Variants in SLC9A9 observed in about 807,000 individuals in gnomAD.
The protein encoded by SLC9A9 is solute carrier family 9 member A9, also known as sodium/hydrogen exchanger 9.
Under a neutral mutation model 77.8 loss-of-function variants are expected in SLC9A9, and 62 were observed. The ratio of observed to expected loss-of-function variants is 0.80; its 90% confidence interval spans 0.65 to 0.98. The LOEUF (loss-of-function observed/expected upper bound fraction) is 0.98, where lower values mean the gene tolerates loss of function less well. SLC9A9 is among the 50% of genes least tolerant of loss of function. The probability of loss-of-function intolerance (pLI) is 0.00; values close to 1 mark genes in which losing one functional copy is unlikely to be tolerated. For synonymous variants in SLC9A9, 320 were observed against 283.5 expected, an observed-to-expected ratio of 1.13 and a Z score of -1.29; for missense variants, 775 against 774.9, an observed-to-expected ratio of 1.00 and a Z score of 0.00.
intron 14 of SLC9A9, among the ~76,000 whole-genome samples, chr3:143,330,447 G>A (rs1465222105): frequency 6.6e-6 from 1 of 152,172 alleles, no homozygotes; most frequent in East Asian, 1.9e-4. Flanking sequence ...ATGGTGCTTT[G>A]AAATGTGTTT....
At chr3:143,308,546 A>T (rs2030897706) in intron 14 of SLC9A9, among the ~76,000 whole-genome samples, 1 of 151,742 alleles carries the variant, frequency 6.6e-6, no homozygotes, top group African/African-American at 2.4e-5. Flanking sequence ...ACTGCACTCC[A>T]GCCTGGGCGA....
intron 8 of SLC9A9, among the ~76,000 whole-genome samples, chr3:143,572,089 G>C (rs910150406): frequency 6.6e-6 from 1 of 152,168 alleles, no homozygotes; most frequent in African/African-American, 2.4e-5. Flanking sequence ...CCCATCCCAT[G>C]ATGCTGGCTC....
At chr3:143,390,680 T>A (rs1173502656) in intron 12 of SLC9A9, among the ~76,000 whole-genome samples, 1 of 152,034 alleles carries the variant, frequency 6.6e-6, no homozygotes, top group African/African-American at 2.4e-5. Context: ...GTGCAAGGGG[T>A]CAGAGAATTC....
At chr3:143,655,371 T>C (rs1398699750) in intron 5 of SLC9A9, 2 of 688,696 alleles carry the variant, frequency 2.9e-6, no homozygotes, top group Non-Finnish European at 3.6e-6. Context: ...TAAATGAGAG[T>C]TCTTGGGACC....
intron 14 of SLC9A9, among the ~76,000 whole-genome samples, chr3:143,313,598 T>C (rs1377662408): frequency 6.6e-6 from 1 of 152,240 alleles, no homozygotes; most frequent in Non-Finnish European, 1.5e-5. Context: ...ATTTGCTCCC[T>C]GAATCCTCCC....
At chr3:143,436,434 T>C (rs2034624601) in intron 12 of SLC9A9, among the ~76,000 whole-genome samples, 1 of 152,330 alleles carries the variant, frequency 6.6e-6, no homozygotes, top group African/African-American at 2.4e-5. Context: ...GAAAGTGCTA[T>C]AATTGCAAAA....
At chr3:143,364,436 C>T (rs1231675039) in intron 13 of SLC9A9, among the ~76,000 whole-genome samples, 1 of 152,070 alleles carries the variant, frequency 6.6e-6, no homozygotes, top group Non-Finnish European at 1.5e-5. Flanking sequence ...TTTTCATGCC[C>T]AAGTTGTGTC....
At chr3:143,396,696 ATTG>A (rs1288595220) in intron 12 of SLC9A9, among the ~76,000 whole-genome samples, 2 of 152,130 alleles carry the variant, frequency 1.3e-5, no homozygotes, top group African/African-American at 4.8e-5. Flanking sequence ...ATTAATAGAT[ATTG>A]TTGTCTTTGC....
At chr3:143,845,498 T>G (rs2009813215) in intron 1 of SLC9A9, among the ~76,000 whole-genome samples, 1 of 152,204 alleles carries the variant, frequency 6.6e-6, no homozygotes, top group African/African-American at 2.4e-5. Context: ...GCCACCCATA[T>G]GGAGTACTTT....
intron 12 of SLC9A9, among the ~76,000 whole-genome samples, chr3:143,442,586 T>C (rs1236666771): frequency 1.3e-5 from 2 of 152,052 alleles, no homozygotes; most frequent in Non-Finnish European, 2.9e-5. Context: ...CCCAGTGTGG[T>C]AGTGGGTGCC....
intron 6 of SLC9A9, among the ~76,000 whole-genome samples, chr3:143,650,649 A>T (rs2038780515): frequency 6.6e-6 from 1 of 152,218 alleles, no homozygotes; most frequent in Admixed American, 6.5e-5. Flanking sequence ...GGATCACTGT[A>T]CGATACCAGA....
At chr3:143,363,155 C>T (rs1433180260) in intron 14 of SLC9A9, among the ~76,000 whole-genome samples, 2 of 152,134 alleles carry the variant, frequency 1.3e-5, no homozygotes, top group Non-Finnish European at 2.9e-5. Flanking sequence ...TCAAGCAGGC[C>T]TATTTGACCA....
intron 12 of SLC9A9, among the ~76,000 whole-genome samples, chr3:143,411,383 C>T (rs2034093802): frequency 6.6e-6 from 1 of 152,188 alleles, no homozygotes; most frequent in Admixed American, 6.5e-5. Flanking sequence ...CACTTTCCTT[C>T]CACCTGCTAC....
At chr3:143,791,013 A>G (rs2008201242) in intron 4 of SLC9A9, among the ~76,000 whole-genome samples, 1 of 152,222 alleles carries the variant, frequency 6.6e-6, no homozygotes, top group Non-Finnish European at 1.5e-5. Flanking sequence ...TCATTGTGAT[A>G]TATTGGCATG....
intron 4 of SLC9A9, among the ~76,000 whole-genome samples, chr3:143,705,232 C>A (rs776733189): frequency 2.0e-5 from 3 of 151,630 alleles, no homozygotes; most frequent in Non-Finnish European, 4.4e-5. Context: ...CTTGTGGGAG[C>A]TAAAAATGAA....
At chr3:143,372,266 GC>G (rs1474046069) in intron 13 of SLC9A9, among the ~76,000 whole-genome samples, 1 of 152,102 alleles carries the variant, frequency 6.6e-6, no homozygotes, top group African/African-American at 2.4e-5. Context: ...GCAATCCTAA[GC>G]AAAAAGAACA....
At chr3:143,315,049 A>G (rs899146257) in intron 14 of SLC9A9, among the ~76,000 whole-genome samples, 1 of 152,226 alleles carries the variant, frequency 6.6e-6, no homozygotes. Flanking sequence ...ATTCACAGAA[A>G]CAAATAACCC....
intron 14 of SLC9A9, among the ~76,000 whole-genome samples, chr3:143,350,313 CCCCGTGACTTCT>C (rs1186104407): frequency 6.6e-6 from 1 of 152,120 alleles, no homozygotes; most frequent in Non-Finnish European, 1.5e-5. Flanking sequence ...TAATTGAGGC[CCCCGTGACTTCT>C]CCCTAATCAC....
At chr3:143,799,106 A>T (rs1265186149) in intron 2 of SLC9A9, among the ~76,000 whole-genome samples, 1 of 152,142 alleles carries the variant, frequency 6.6e-6, no homozygotes, top group Admixed American at 6.5e-5. Context: ...AGCTAAAGGC[A>T]TAGTCAAGGT....
Sources: allele counts gnomAD v4.1 joint callset (sites outside exome capture counted in the v4.1 genomes callset), GRCh38; gene constraint gnomAD v4.1.1; transcripts MANE v1.5; gene names NCBI Gene and HGNC (gene_info 2026-07-23, HGNC 2026-07-21).